Variants in PFKL observed in about 807,000 individuals in gnomAD.
PFKL encodes the protein ATP-dependent 6-phosphofructokinase, liver type.
Under a neutral mutation model 92.1 loss-of-function variants are expected in PFKL, and 74 were observed. That is an observed-to-expected ratio of 0.80 (90% CI 0.67 to 0.97). The LOEUF is 0.97. Ranked by LOEUF, PFKL falls within the 50% of genes least tolerant of loss-of-function variation. The pLI, the probability that PFKL is intolerant of heterozygous loss-of-function variation, is 0.00. For synonymous variants in PFKL, 494 were observed against 456.4 expected, an observed-to-expected ratio of 1.08 and a Z score of -1.05; for missense variants, 1,028 against 1,116.6, an observed-to-expected ratio of 0.92 and a Z score of 1.13.
At position 44,326,811 on chromosome 21, in the gene PFKL, G is replaced by C. The variant is rs762527369; in HGVS notation, c.2292G>C (p.Gly764=). 2 of 1,606,894 alleles carry C rather than the reference G, an allele frequency of 1.2e-6. No individual in the cohort carries two copies. Among genetic ancestry groups the C allele is most frequent in the Middle Eastern group, 1.7e-4 (1 of 6,028 alleles). The part of the protein sequence containing the change: ...YRISMAAYVS[G]ELEHVTRRTL... ...TCAGTATGGCCGCCTACGTGTCAGG[G>C]GAGCTGGAGCACGTGACCCGCCGCA... The change falls in exon 22 of 22, where the codon GGG becomes GGC. Residue 764 remains glycine (G), a synonymous_variant. Coordinates refer to ENST00000349048, the MANE Select transcript of PFKL (RefSeq NM_002626.6).
intron 12 of PFKL, 80 bp from the exon 13 acceptor site, chr21:44,321,649 G>A (rs1020879484): frequency 7.1e-7 from 1 of 1,414,852 alleles, no homozygotes; most frequent in Non-Finnish European, 9.3e-7. Context: ...TCCAGAACCT[G>A]CCGGCCTGCT....
At position 44,316,575 on chromosome 21, in the gene PFKL, G is replaced by A. The variant is rs770310722; in HGVS notation, c.936+51G>A. 7.4e-6 allele frequency: 10 copies of A among 1,343,684 alleles called. No individual in the cohort carries two copies. In the East Asian group the frequency reaches 2.1e-4, roughly 28 times the overall value. The allele number at this position is 1,343,684 out of a possible 1,614,324, so 83.2% of individuals were successfully genotyped here. A position where few individuals can be genotyped will look rare whatever the true frequency, so the allele number is the denominator to read the frequency against. On this transcript the variant is annotated intron_variant, in intron 9 of 21. Transcript: ENST00000349048. ...GTACGTGCGTGGGTAAGCGTGGTGT[G>A]TGGGTGTGGGTGTGGGCAGTGTGCA...
In PFKL at chr21:44,320,144, G is replaced by C. The variant is rs2047320972; in HGVS notation, c.1188G>C (p.Glu396Asp). 6.2e-7 allele frequency: 1 copy of C among 1,613,284 alleles called. No homozygotes were observed. Among genetic ancestry groups the C allele is most frequent in the Non-Finnish European group, 8.5e-7 (1 of 1,179,674 alleles). ...KLLAHQKPPK[E>D]KSNFSLAILN... ...TCGCCCACCAGAAGCCCCCCAAGGA[G>C]AAGGTGAGGCAGGGAGCGGCGCCCA... The change falls in exon 12 of 22, where the codon GAG becomes GAC. Residue 396 changes from glutamate (E) to aspartate (D), a missense_variant. Transcript: ENST00000349048.
intron 3 of PFKL, among the ~76,000 whole-genome samples, chr21:44,311,302 ACACAGACACGTG>A (rs2047037903): frequency 6.7e-6 from 1 of 150,188 alleles, no homozygotes. Context: ...GCGCGCACAG[ACACAGACACGTG>A]CACAGACACA....
rs771979389 is a variant in PFKL at position 44,319,335 on chromosome 21, G to A, written c.1063-16G>A. 1 of 1,611,552 alleles carries A rather than the reference G, an allele frequency of 6.2e-7. No homozygotes were observed. Among genetic ancestry groups the A allele is most frequent in the Non-Finnish European group, 8.5e-7 (1 of 1,178,030 alleles). On this transcript the variant is annotated splice_polypyrimidine_tract_variant and intron_variant, in intron 10 of 21. Transcript: ENST00000349048. ...CCAGGCTCTCCATAGTCTGTGTTCTGTTTCTCTTCCTTAAGACCAAGGAAG... is the reference window on the plus strand; with the variant it reads ...CCAGGCTCTCCATAGTCTGTGTTCTATTTCTCTTCCTTAAGACCAAGGAAG...
At chr21:44,324,317 G>T in intron 16 of PFKL, 174 bp from the exon 17 acceptor site, 1 of 651,896 alleles carries the variant, frequency 1.5e-6, no homozygotes. Flanking sequence ...GAGAACCCCT[G>T]GTCCTGTGGG....
At chr21:44,325,602 C>T in intron 19 of PFKL, 1 of 492,886 alleles carries the variant, frequency 2.0e-6, no homozygotes, top group Non-Finnish European at 3.7e-6. Flanking sequence ...CTGCAGGAAG[C>T]CCGCGTCCTG....
chr21:44,316,831 C>A (rs1473171638), intron 9 of PFKL, among the ~76,000 whole-genome samples: 1 of 152,132 alleles, frequency 6.6e-6, no homozygotes, highest in East Asian at 1.9e-4. Flanking sequence ...CTTCTCCGTT[C>A]CCCTGCAGGT....
intron 7 of PFKL, chr21:44,314,226 G>T: frequency 1.7e-6 from 1 of 577,436 alleles, no homozygotes; most frequent in South Asian, 2.2e-5. Context: ...TGCCCCCAGT[G>T]GGCAGGAGGC....
intron 1 of PFKL, 78 bp downstream of exon 1, chr21:44,300,268 G>A: frequency 3.0e-6 from 2 of 674,298 alleles, no homozygotes; most frequent in Non-Finnish European, 3.7e-6. Context: ...AGCGCCCGCC[G>A]AGCCCCGGGA....
At position 44,313,152 on chromosome 21, in the gene PFKL, G is replaced by A. The variant is rs1191863931; in HGVS notation, c.593+9G>A. The A allele has an allele frequency of 1.9e-6, 3 of 1,611,932 alleles. No homozygotes were observed. Among genetic ancestry groups the A allele is most frequent in the Non-Finnish European group, 2.5e-6 (3 of 1,179,636 alleles). On this transcript the variant is annotated intron_variant, in intron 5 of 21. Coordinates refer to ENST00000349048, the MANE Select transcript of PFKL (RefSeq NM_002626.6). Reference sequence around the variant, plus strand: ...ACCACCACTGCCCAGAGGTGAGTGAGGCTGGCGCCGGCGGCCAGCCCAGGG... The same window carrying A: ...ACCACCACTGCCCAGAGGTGAGTGAAGCTGGCGCCGGCGGCCAGCCCAGGG...
chr21:44,303,937 C>T (rs2040852250), intron 1 of PFKL, among the ~76,000 whole-genome samples: 2 of 152,128 alleles, frequency 1.3e-5, no homozygotes, highest in African/African-American at 4.8e-5. Flanking sequence ...GAAAGAAAAG[C>T]CGATTAAAGG....
chr21:44,315,943 CCCAG>C (rs1385046639), intron 7 of PFKL: 5 of 440,884 alleles, frequency 1.1e-5, no homozygotes, highest in African/African-American at 1.0e-4. Flanking sequence ...AGGGCCCAGC[CCCAG>C]CTGTGTGTGT....
At position 44,319,393 on chromosome 21, in the gene PFKL, G is replaced by A. The variant is rs2047300771; in HGVS notation, c.1105G>A (p.Glu369Lys). 1.2e-6 allele frequency: 2 copies of A among 1,613,712 alleles called. No individual in the cohort carries two copies. Among genetic ancestry groups the A allele is most frequent in the South Asian group, 1.1e-5 (1 of 91,090 alleles). The change falls in exon 11 of 22, where the codon GAG (glutamate) becomes AAG (lysine). Residue 369 changes from glutamate to lysine, a missense_variant. By Grantham distance (56) the Glu-to-Lys change is moderately conservative. Transcript: ENST00000349048. ...AGCCATGGATGACAAGAGGTTTGAC[G>A]AGGCCACCCAGCTCCGTGGTGGGTA... ...QKAMDDKRFD[E>K]ATQLRGGSFE...
chr21:44,323,874 G>C lies in PFKL; in HGVS notation c.1606G>C (p.Asp536His). 1 of 1,613,542 alleles carries C rather than the reference G, an allele frequency of 6.2e-7. No individual in the cohort carries two copies. Among genetic ancestry groups the C allele is most frequent in the Non-Finnish European group, 8.5e-7 (1 of 1,179,960 alleles). The change falls in exon 16 of 22, where the codon GAC becomes CAC. Residue 536 changes from aspartate (D) to histidine (H), a missense_variant. By Grantham distance (81) the Asp-to-His change is moderately conservative. Coordinates refer to ENST00000349048, the MANE Select transcript of PFKL (RefSeq NM_002626.6). ...ATISNNVPGT[D>H]FSLGSDTAVN... Reference sequence around the variant, plus strand: ...CATCAGCAACAACGTCCCTGGCACCGACTTCAGCCTGGGCTCCGACACTGC... The same window carrying C: ...CATCAGCAACAACGTCCCTGGCACCCACTTCAGCCTGGGCTCCGACACTGC...
intron 1 of PFKL, 86 bp from the exon 2 acceptor site, chr21:44,306,595 C>G: frequency 3.2e-6 from 4 of 1,238,784 alleles, no homozygotes; most frequent in Non-Finnish European, 4.6e-6. Flanking sequence ...CCAGGCCTCC[C>G]CTACCCCCTG....
rs141901906 is a variant in PFKL at position 44,318,586 on chromosome 21, C to T, written c.1053C>T (p.Cys351=). 166 of 1,517,934 alleles carry T rather than the reference C, an allele frequency of 1.1e-4. No individual in the cohort carries two copies. The highest frequency in any genetic ancestry group is 1.4e-4 in the Non-Finnish European group (152 of 1,122,186). 94.0% of individuals were successfully genotyped at this position (1,517,934 alleles called of 1,614,324 possible). The change falls in exon 10 of 22, where the codon TGC becomes TGT. Residue 351 remains cysteine, a synonymous_variant. Coordinates refer to ENST00000349048, the MANE Select transcript of PFKL (RefSeq NM_002626.6). ...NQSVRLPLME[C]VQMTKEVQKA... The stretch of plus-strand genomic sequence containing the variant: ...CAGTGCGGCTGCCCCTCATGGAGTG[C>T]GTGCAGATGGTAAGCCCTGGGCCCC...
rs754351066 is a variant in PFKL at position 44,312,963 on chromosome 21, C to T, written c.428-15C>T. ...GTGGAGCCTCAGCCAGGTCCTCCTG[C>T]TGCTCCTGGCCCAGGTAAGATCTCA... On this transcript the variant is annotated splice_polypyrimidine_tract_variant and intron_variant, in intron 4 of 21. Coordinates refer to ENST00000349048, the MANE Select transcript of PFKL (RefSeq NM_002626.6). 5.6e-6 allele frequency: 9 copies of T among 1,611,110 alleles called. No individual in the cohort carries two copies. The African/African-American group carries it at 8.0e-5, about 14-fold the overall frequency.
Position 44,320,082 on chromosome 21 carries a change from A to G in PFKL, c.1128-2A>G, listed in dbSNP as rs112751885. On this transcript the variant is annotated splice_acceptor_variant, in intron 11 of 21. Coordinates refer to ENST00000349048, the MANE Select transcript of PFKL (RefSeq NM_002626.6). LOFTEE classifies it high-confidence loss of function. Reference sequence around the variant, plus strand: ...GCATGGTGTGACCCGAATCCCTTCCAGGAGCTTCGAGAACAACTGGAACAT... The same window carrying G: ...GCATGGTGTGACCCGAATCCCTTCCGGGAGCTTCGAGAACAACTGGAACAT... The G allele has an allele frequency of 1.9e-6, 3 of 1,613,214 alleles. No homozygotes were observed. Among genetic ancestry groups the G allele is most frequent in the Admixed American group, 3.3e-5 (2 of 59,996 alleles).
Sources: gnomAD v4.1 joint callset for allele counts (sites outside exome capture counted in the v4.1 genomes callset) on GRCh38, gnomAD v4.1.1 for gene constraint, MANE v1.5 for transcripts, NCBI Gene and HGNC (gene_info 2026-07-23, HGNC 2026-07-21) for gene names.